NIN: variants seen among roughly 807,000 people sequenced by gnomAD.
NIN encodes the protein glycogen synthase kinase 3 beta-interacting protein.
In NIN, 137 loss-of-function variants were observed where a neutral mutation model predicts 257.6. That is an observed-to-expected ratio of 0.53 (90% confidence interval 0.46 to 0.61). The LOEUF (loss-of-function observed/expected upper bound fraction) is 0.61. NIN is among the 20% of genes least tolerant of loss of function. The pLI, the probability that NIN is intolerant of heterozygous loss-of-function variation, is 0.00. For synonymous variants in NIN, 918 were observed against 919.8 expected (o/e 1.00, Z 0.04); for missense variants, 2,439 against 2,501.2 (o/e 0.98, Z 0.53).
At position 50,748,040 on chromosome 14, in the gene NIN, C is replaced by A; in HGVS notation, c.5016G>T (p.Val1672=). 1 of 1,614,028 alleles carries A rather than the reference C, an allele frequency of 6.2e-7. No individual in the cohort carries two copies. The highest frequency in any genetic ancestry group is 8.5e-7 in the Non-Finnish European group (1 of 1,179,924). ...CTTTGAGAAGGTGGTTTTCCTGTTG[C>A]ACAATATGGGTCTGTATTTTAACTT... ...LSEVKIQTHI[V]QQENHLLKDE... is the part of the protein sequence containing the mutation. Residue 1672 remains valine (V), a synonymous_variant, in exon 22 of 31, where the codon GTG becomes GTT. Coordinates refer to ENST00000530997, the MANE Select transcript of NIN (RefSeq NM_020921.4).
chr14:50,806,663 G>A, intron 4 of NIN, 74 bp downstream of exon 4: 1 of 783,278 alleles, frequency 1.3e-6, no homozygotes, highest in Non-Finnish European at 2.2e-6. Context: ...TCATATACAT[G>A]CTTCAAGGTC....
chr14:50,761,613 G>A (rs1206184992), intron 16 of NIN, among the ~76,000 whole-genome samples, 177 bp downstream of exon 16: 2 of 152,124 alleles, frequency 1.3e-5, no homozygotes, highest in Admixed American at 6.5e-5. Flanking sequence ...TTACATTTTG[G>A]AGAAACTCTC....
intron 3 of NIN, among the ~76,000 whole-genome samples, chr14:50,821,214 A>T (rs1448478392): frequency 6.6e-6 from 1 of 152,244 alleles, no homozygotes; most frequent in Non-Finnish European, 1.5e-5. Context: ...AGGTCATGGC[A>T]GATCAAATAT....
intron 30 of NIN, 78 bp from the exon 31 acceptor site, chr14:50,723,750 G>T: frequency 8.0e-7 from 1 of 1,254,224 alleles, no homozygotes; most frequent in Non-Finnish European, 1.1e-6. Context: ...CTGACATAAG[G>T]ACAGTTGTTT....
intron 4 of NIN, among the ~76,000 whole-genome samples, chr14:50,801,887 T>G (rs928266894): frequency 5.9e-5 from 9 of 152,188 alleles, no homozygotes; most frequent in African/African-American, 2.2e-4. Context: ...AAGAGACATT[T>G]CCAATGAATC....
chr14:50,732,702 T>C (rs972086331), intron 28 of NIN, among the ~76,000 whole-genome samples: 2 of 149,746 alleles, frequency 1.3e-5, no homozygotes, highest in Admixed American at 6.7e-5. Context: ...TATACCTCAA[T>C]AACACTGTTT....
chr14:50,720,507 C>A lies in NIN; in HGVS notation c.*2956G>T, dbSNP rs567192493. On this transcript the variant is annotated 3_prime_UTR_variant, in exon 31 of 31. Coordinates refer to ENST00000530997, the MANE Select transcript of NIN (RefSeq NM_020921.4). ...AATAGTGCATTATTAAAATACTAGA[C>A]CTGCAAGATCTCTTCCTATGCCTTG... The A allele has an allele frequency of 1.5e-4, 31 of 209,568 alleles. No individual in the cohort carries two copies. The East Asian group carries it at 2.2e-3, about 15-fold the overall frequency. 13.0% of individuals were successfully genotyped at this position (209,568 alleles called of 1,614,324 possible).
At chr14:50,829,855 T>C (rs1362365806) in intron 2 of NIN, among the ~76,000 whole-genome samples, 1 of 152,210 alleles carries the variant, frequency 6.6e-6, no homozygotes, top group Non-Finnish European at 1.5e-5. Context: ...CCTAGTGTCC[T>C]TCTGTCAGGG....
rs2042212452 is a variant in NIN, at chr14:50,760,005, T to C, written c.2251A>G (p.Thr751Ala). The C allele has an allele frequency of 6.2e-7, 1 of 1,614,204 alleles. No individual in the cohort carries two copies. Among genetic ancestry groups the C allele is most frequent in the Non-Finnish European group, 8.5e-7 (1 of 1,180,036 alleles). The change falls in exon 17 of 31, where the codon ACA becomes GCA. Residue 751 changes from threonine to alanine, a missense_variant. Physicochemically the swap from Thr to Ala is moderately conservative, Grantham distance 58. Coordinates refer to ENST00000530997, the MANE Select transcript of NIN (RefSeq NM_020921.4). ...EREGLQSSAW[T>A]EEKVRGLTQE... The stretch of plus-strand genomic sequence containing the variant: ...GTCAAGCCTCTCACCTTCTCTTCTG[T>C]CCAGGCGCTACTCTGAAGGCCTTCC...
intron 4 of NIN, among the ~76,000 whole-genome samples, chr14:50,793,722 C>A (rs1427479198): frequency 6.6e-6 from 1 of 152,164 alleles, no homozygotes; most frequent in East Asian, 1.9e-4. Context: ...ATCACCACTG[C>A]CATCACCACC....
intron 4 of NIN, among the ~76,000 whole-genome samples, chr14:50,797,436 G>C (rs75722586): frequency 1.3e-5 from 2 of 152,268 alleles, no homozygotes; most frequent in East Asian, 1.9e-4. Context: ...CAGCACAGGA[G>C]GCCCTTCATG....
At chr14:50,803,251 G>T (rs1463695687) in intron 4 of NIN, among the ~76,000 whole-genome samples, 3 of 152,208 alleles carry the variant, frequency 2.0e-5, no homozygotes, top group African/African-American at 4.8e-5. Flanking sequence ...CTACCTGGGA[G>T]GCTGAGGCAG....
rs1317315243 is a variant in NIN, at chr14:50,756,473, T to C, written c.4538+19A>G. The C allele has an allele frequency of 1.9e-6, 3 of 1,566,830 alleles. No homozygotes were observed. Among genetic ancestry groups the C allele is most frequent in the Non-Finnish European group, 2.6e-6 (3 of 1,160,634 alleles). On this transcript the variant is annotated intron_variant, in intron 18 of 30. Coordinates refer to ENST00000530997, the MANE Select transcript of NIN (RefSeq NM_020921.4). ...GGTGCTCTGTGGGATTCGTGACGTC[T>C]AGAAGGTACATACATTACCTCAGAA...
intron 28 of NIN, among the ~76,000 whole-genome samples, chr14:50,734,593 A>T: frequency 6.6e-6 from 1 of 152,248 alleles, no homozygotes; most frequent in Non-Finnish European, 1.5e-5. Context: ...GTTATATCCT[A>T]TAATTAAACT....
Position 50,741,726 on chromosome 14 carries a change from A to T in NIN, c.5304T>A (p.Val1768=). 1.2e-6 allele frequency: 2 copies of T among 1,613,502 alleles called. No individual in the cohort carries two copies. The highest frequency in any genetic ancestry group is 1.7e-6 in the Non-Finnish European group (2 of 1,179,850). The stretch of plus-strand genomic sequence containing the variant: ...TCTGCACGGTGTCTTCTAAATTCTG[A>T]ACCTGTATTGTGAGAATGATCTTTT... The part of the protein sequence containing the change: ...KSQLVASQEK[V]QNLEDTVQNV... The change falls in exon 25 of 31, where the codon GTT becomes GTA. Residue 1768 remains valine, a splice_region_variant and synonymous_variant. Transcript: ENST00000530997.
intron 4 of NIN, among the ~76,000 whole-genome samples, chr14:50,795,374 T>C (rs3783280): frequency 0.18 from 27,403 of 152,196 alleles, 2,676 homozygotes; most frequent in South Asian, 0.23. Context: ...AAGCTAACGA[T>C]GTTCAGAGAG....
chr14:50,765,846 T>TC (rs1214354490), intron 14 of NIN, among the ~76,000 whole-genome samples: 1 of 151,260 alleles, frequency 6.6e-6, no homozygotes, highest in Non-Finnish European at 1.5e-5. Context: ...CATTTATGTT[T>TC]TTTTTTTTTA....
chr14:50,794,038 C>T (rs371993330), intron 4 of NIN, among the ~76,000 whole-genome samples: 1 of 152,270 alleles, frequency 6.6e-6, no homozygotes, highest in East Asian at 1.9e-4. Context: ...AGATTATGTA[C>T]ACGTATTATA....
At position 50,752,634 on chromosome 14, in the gene NIN, G is replaced by C; in HGVS notation, c.4834C>G (p.Gln1612Glu). Residue 1612 changes from glutamine (Q) to glutamate (E), a missense_variant, in exon 21 of 31, where the codon CAA becomes GAA. Gln to Glu is a conservative substitution (Grantham distance 29, BLOSUM62 2). This residue lies in a region of NIN where 2,043 missense variants were observed against 2,050.2 expected (regional missense o/e 1.00). Coordinates refer to ENST00000530997, the MANE Select transcript of NIN (RefSeq NM_020921.4). ...QNQEKLQELNQRLTEMLCQKE... is the reference protein window; with the variant it reads ...QNQEKLQELNERLTEMLCQKE... ...TGGCATAGCATTTCTGTTAGACGTT[G>C]ATTAAGTTCTTGCAGTTTTTCCTGG... The C allele has an allele frequency of 2.5e-6, 4 of 1,613,720 alleles. No homozygotes were observed. The highest frequency in any genetic ancestry group is 3.4e-6 in the Non-Finnish European group (4 of 1,179,742).
Sources: gnomAD v4.1 joint callset for allele counts (sites outside exome capture counted in the v4.1 genomes callset) on GRCh38, gnomAD v4.1.1 for gene constraint, gnomAD v4.1.1 regional missense constraint, MANE v1.5 for transcripts, NCBI Gene and HGNC (gene_info 2026-07-23, HGNC 2026-07-21) for gene names.